The following VRK3 variants were observed in gnomAD, a reference collection of about 807,000 sequenced individuals.
The protein encoded by VRK3 is serine/threonine-protein kinase VRK3.
VRK3 carries 50 observed loss-of-function variants against 60.4 expected under a neutral mutation model. That is an observed-to-expected ratio of 0.83 (90% CI 0.66 to 1.05). VRK3 has a LOEUF of 1.05. Among genes scored for constraint, VRK3 ranks in the 50% least tolerant of loss-of-function variants. VRK3 has a pLI of 0.00. For synonymous variants in VRK3, 246 were observed against 227.8 expected (o/e 1.08, Z -0.72); for missense variants, 549 against 585.3 (o/e 0.94, Z 0.64).
At chr19:49,986,632 A>T (rs1200626112) in intron 12 of VRK3, 2 of 152,360 alleles carry the variant, frequency 1.3e-5, no homozygotes, top group Non-Finnish European at 2.9e-5. Context: ...CGAAGGGAGT[A>T]AAATAAAACG....
Position 50,009,381 on chromosome 19 carries a change from T to C in VRK3, c.144A>G (p.Ser48=), listed in dbSNP as rs55914244. Residue 48 remains serine, a synonymous_variant, in exon 4 of 15, where the codon TCA becomes TCG. Coordinates refer to ENST00000316763, the MANE Select transcript of VRK3 (RefSeq NM_016440.4). ...CAAAACTGGAGTTCAGCCCTCTCTT[T>C]GAGCCTAAAGAAAGGCAGACAAAAT... is the stretch of plus-strand genomic sequence containing the variant. ...VNPHVSSFQG[S]KRGLNSSFET... 6.7e-5 allele frequency: 108 copies of C among 1,613,522 alleles called. No homozygotes were observed. The East Asian group carries it at 2.1e-3, about 31-fold the overall frequency.
chr19:49,992,764 T>A (rs1188521707), intron 10 of VRK3, 96 bp downstream of exon 10: 7 of 1,135,388 alleles, frequency 6.2e-6, no homozygotes, highest in Non-Finnish European at 9.0e-6. Flanking sequence ...AGCAATCCTT[T>A]GTCTGTAATA....
chr19:50,018,528 T>G (rs1175662298), intron 2 of VRK3, among the ~76,000 whole-genome samples: 2 of 152,200 alleles, frequency 1.3e-5, no homozygotes, highest in African/African-American at 4.8e-5. Context: ...AAACACTCTG[T>G]GGCATAAATC....
At chr19:50,014,166 C>T (rs2077038161) in intron 3 of VRK3, among the ~76,000 whole-genome samples, 3 of 152,108 alleles carry the variant, frequency 2.0e-5, no homozygotes, top group African/African-American at 7.2e-5. Context: ...ACTCGGGAGA[C>T]TGAGGCACAA....
At position 49,976,501 on chromosome 19, in the gene VRK3, G is replaced by A. The variant is rs1221777035; in HGVS notation, c.*295C>T. On this transcript the variant is annotated 3_prime_UTR_variant, in exon 15 of 15. Transcript: ENST00000316763. ...AACAATTTATTACCAAAGCACAGAG[G>A]TGTCAAGGGTAGGAGGGGTCCCCCC... The A allele has an allele frequency of 2.0e-5, 3 of 152,670 alleles. No individual in the cohort carries two copies. Among genetic ancestry groups the A allele is most frequent in the Admixed American group, 6.5e-5 (1 of 15,288 alleles). 9.5% of individuals were successfully genotyped at this position (152,670 alleles called of 1,614,324 possible). A position where few individuals can be genotyped will look rare whatever the true frequency, so the allele number is the denominator to read the frequency against.
Position 49,989,684 on chromosome 19 carries a change from C to G in VRK3, c.1051G>C (p.Glu351Gln). 1 of 1,613,908 alleles carries G rather than the reference C, an allele frequency of 6.2e-7. No individual in the cohort carries two copies. The highest frequency in any genetic ancestry group is 2.2e-5 in the East Asian group (1 of 44,874). The change falls in exon 11 of 15, where the codon GAG (glutamate) becomes CAG (glutamine). Residue 351 changes from glutamate to glutamine, a missense_variant. By Grantham distance (29) the Glu-to-Gln change is conservative. Transcript: ENST00000316763. ...AYVEGSRSPH[E>Q]GDLEFISMDL... ...ATGCTAATGAACTCAAGGTCCCCCT[C>G]GTGAGGGCTCCTGCTGCCTTCCACG...
chr19:50,019,674 CTTTTTTTTTTTTTTTTTTTTTTTTTTT>C (rs568877003), intron 2 of VRK3, among the ~76,000 whole-genome samples: 1 of 44,976 alleles, frequency 2.2e-5, no homozygotes, highest in African/African-American at 6.8e-5. Context: ...CATGCCTGGC[CTTTTTTTTTTTTTTTTTTTTTTTTTTT>C]TTTTTTTTTT....
intron 12 of VRK3, among the ~76,000 whole-genome samples, chr19:49,984,717 AC>A (rs2076483003): frequency 6.6e-6 from 1 of 151,684 alleles, no homozygotes; most frequent in Admixed American, 6.6e-5. Context: ...TGCAGCCTCC[AC>A]CTCCTTGGAC....
At chr19:49,985,520 C>T (rs1390743021) in intron 12 of VRK3, among the ~76,000 whole-genome samples, 2 of 152,270 alleles carry the variant, frequency 1.3e-5, no homozygotes, top group East Asian at 1.9e-4. Context: ...CTGTTACCAT[C>T]GCTGCGAGAC....
In VRK3 at chr19:49,988,463, G is replaced by A. The variant is rs1479301658; in HGVS notation, c.1126C>T (p.Leu376=). The change falls in exon 12 of 15, where the codon CTG becomes TTG. Residue 376 remains leucine, a synonymous_variant. Coordinates refer to ENST00000316763, the MANE Select transcript of VRK3 (RefSeq NM_016440.4). ...AGCCACTTCAGCATGCAGTAGCCCA[G>A]GCTCTGGAGGTCGCTGCGGCGGGAG... ...GPSRRSDLQS[L]GYCMLKWLYG... is the part of the protein sequence containing the mutation. The A allele has an allele frequency of 8.1e-6, 13 of 1,613,660 alleles. 1 individual carries two copies. The South Asian group carries it at 1.4e-4, about 18-fold the overall frequency.
At chr19:49,981,199 G>A in intron 12 of VRK3, 186 bp from the exon 13 acceptor site, 2 of 629,732 alleles carry the variant, frequency 3.2e-6, no homozygotes, top group Non-Finnish European at 5.7e-6. Flanking sequence ...TGCTCCCAAG[G>A]GAAACAGCAC....
chr19:50,013,938 G>C (rs933022567), intron 3 of VRK3, among the ~76,000 whole-genome samples: 1 of 152,176 alleles, frequency 6.6e-6, no homozygotes, highest in Non-Finnish European at 1.5e-5. Flanking sequence ...TAGTGGTAGG[G>C]AAAGTGTCTC....
intron 12 of VRK3, among the ~76,000 whole-genome samples, chr19:49,984,229 T>C (rs1049284059): frequency 4.6e-5 from 7 of 152,164 alleles, no homozygotes; most frequent in Admixed American, 2.0e-4. Context: ...AGAGGCACCA[T>C]GGGCTGATTC....
At chr19:49,988,341 C>T (rs2076552394) in intron 12 of VRK3, 31 bp downstream of exon 12, 1 of 1,587,300 alleles carries the variant, frequency 6.3e-7, no homozygotes, top group Non-Finnish European at 8.5e-7. Flanking sequence ...TGCTGACCAC[C>T]TGCAGGGGTT....
intron 12 of VRK3, among the ~76,000 whole-genome samples, chr19:49,984,318 C>T (rs1395185766): frequency 6.6e-6 from 1 of 152,126 alleles, no homozygotes; most frequent in African/African-American, 2.4e-5. Context: ...CAGAGCTGTG[C>T]TGTCCTGTCT....
At chr19:49,994,183 TCTTA>T (rs2122140557) in intron 9 of VRK3, among the ~76,000 whole-genome samples, 1 of 152,248 alleles carries the variant, frequency 6.6e-6, no homozygotes, top group Admixed American at 6.5e-5. Context: ...AACTGGGCCC[TCTTA>T]CTCTCAATCA....
rs188136873 is a variant in VRK3 at position 50,024,173 on chromosome 19, G to A, written c.-65+1094C>T. 5.1e-4 allele frequency among the ~76,000 whole-genome samples: 77 copies of A among 152,248 alleles called. 1 individual carries two copies. The East Asian group carries it at 7.7e-3, about 15-fold the overall frequency. On this transcript the variant is annotated intron_variant, in intron 1 of 14. Coordinates refer to ENST00000316763, the MANE Select transcript of VRK3 (RefSeq NM_016440.4). ...GGCTGGTCTCGAACTCCTGAACCCAGGTGATCCGCCCACCTCGGTCTCCTA... is the reference window on the plus strand; with the variant it reads ...GGCTGGTCTCGAACTCCTGAACCCAAGTGATCCGCCCACCTCGGTCTCCTA...
intron 3 of VRK3, among the ~76,000 whole-genome samples, chr19:50,014,296 C>T (rs113564756): frequency 2.0e-4 from 30 of 151,122 alleles, no homozygotes; most frequent in African/African-American, 7.1e-4. Flanking sequence ...TGGTGGCTCA[C>T]GTCTGTAATG....
intron 1 of VRK3, 163 bp downstream of exon 1, chr19:50,025,104 A>G (rs970725566): frequency 1.3e-5 from 2 of 152,292 alleles, no homozygotes; most frequent in African/African-American, 2.4e-5. Flanking sequence ...GAAGCTCAAG[A>G]GGAGGCCAGT....
Sources: allele counts gnomAD v4.1 joint callset (sites outside exome capture counted in the v4.1 genomes callset), GRCh38; gene constraint gnomAD v4.1.1; transcripts MANE v1.5; gene names NCBI Gene and HGNC (gene_info 2026-07-23, HGNC 2026-07-21).